The following ZNF804B variants were observed in gnomAD, a reference collection of about 807,000 sequenced individuals.
ZNF804B encodes the protein zinc finger protein 804B.
A neutral mutation model predicts 101.4 loss-of-function variants in ZNF804B; 80 were observed. That is an observed-to-expected ratio of 0.79 (90% CI 0.66 to 0.95). The LOEUF is 0.95. ZNF804B is among the 40% of genes least tolerant of loss of function. The pLI is 0.00. For missense variants in ZNF804B, 1,673 were observed against 1,561.9 expected, an observed-to-expected ratio of 1.07 and a Z score of -1.20; for synonymous variants, 622 against 558.8, an observed-to-expected ratio of 1.11 and a Z score of -1.59.
intron 1 of ZNF804B, among the ~76,000 whole-genome samples, chr7:88,866,873 T>C (rs942052648): frequency 1.3e-5 from 2 of 152,238 alleles, no homozygotes; most frequent in Non-Finnish European, 2.9e-5. Context: ...ACCAAAATGG[T>C]TGGCTTCTGA....
At chr7:88,922,208 G>A (rs1792728987) in intron 1 of ZNF804B, among the ~76,000 whole-genome samples, 1 of 151,944 alleles carries the variant, frequency 6.6e-6, no homozygotes, top group African/African-American at 2.4e-5. Flanking sequence ...CATGAGATGT[G>A]CATTTGTTAC....
intron 1 of ZNF804B, among the ~76,000 whole-genome samples, chr7:88,857,074 A>G (rs899501607): frequency 2.0e-5 from 3 of 152,114 alleles, no homozygotes; most frequent in African/African-American, 7.2e-5. Flanking sequence ...GAGAACAAAG[A>G]CACAACATAC....
chr7:89,156,085 T>C (rs1790969636), intron 1 of ZNF804B, among the ~76,000 whole-genome samples: 1 of 94,926 alleles, frequency 1.1e-5, no homozygotes, highest in Non-Finnish European at 2.5e-5. Flanking sequence ...TCTTTCTCTC[T>C]TTCCTTTCTT....
At chr7:89,305,016 G>A (rs1174193279) in intron 2 of ZNF804B, among the ~76,000 whole-genome samples, 6 of 152,034 alleles carry the variant, frequency 3.9e-5, no homozygotes, top group Non-Finnish European at 8.8e-5. Context: ...GCTGGTTAGA[G>A]CCACTCTCTA....
intron 1 of ZNF804B, among the ~76,000 whole-genome samples, chr7:88,950,870 A>G (rs182992060): frequency 6.6e-6 from 1 of 151,986 alleles, no homozygotes; most frequent in African/African-American, 2.4e-5. Flanking sequence ...CTTTTCAGAT[A>G]TACAGAAAAT....
At chr7:89,181,230 C>T (rs1159303815) in intron 1 of ZNF804B, among the ~76,000 whole-genome samples, 1 of 151,922 alleles carries the variant, frequency 6.6e-6, no homozygotes, top group Non-Finnish European at 1.5e-5. Context: ...AACCCCAAGT[C>T]CACTGACTGC....
intron 2 of ZNF804B, among the ~76,000 whole-genome samples, chr7:89,256,443 A>G (rs1221274020): frequency 6.6e-6 from 1 of 151,770 alleles, no homozygotes; most frequent in East Asian, 1.9e-4. Flanking sequence ...TACATGGGAG[A>G]CTGGGGTAGA....
At chr7:89,187,063 C>T (rs1204777573) in intron 1 of ZNF804B, among the ~76,000 whole-genome samples, 1 of 152,128 alleles carries the variant, frequency 6.6e-6, no homozygotes, top group Non-Finnish European at 1.5e-5. Context: ...TTACTCTCAG[C>T]ATTTTATTTG....
At chr7:89,278,207 T>G (rs1463908272) in intron 2 of ZNF804B, among the ~76,000 whole-genome samples, 1 of 143,296 alleles carries the variant, frequency 7.0e-6, no homozygotes, top group Non-Finnish European at 1.6e-5. Context: ...GTTTGTTTTT[T>G]TCTTGTAAAT....
At chr7:89,160,446 C>G (rs774095961) in intron 1 of ZNF804B, among the ~76,000 whole-genome samples, 22 of 152,112 alleles carry the variant, frequency 1.4e-4, no homozygotes, top group African/African-American at 2.4e-5. Flanking sequence ...TCTAAGTAAC[C>G]TTAACTAAAT....
chr7:89,052,644 G>A (rs1182553637), intron 1 of ZNF804B, among the ~76,000 whole-genome samples: 1 of 152,044 alleles, frequency 6.6e-6, no homozygotes, highest in Non-Finnish European at 1.5e-5. Flanking sequence ...CTGATTTTGT[G>A]TCCCTGGTTA....
In ZNF804B at chr7:88,854,969, G is replaced by T. The variant is rs578012516; in HGVS notation, c.108+94885G>T. Among the ~76,000 whole-genome samples, 16 of 151,980 alleles carry T rather than the reference G, an allele frequency of 1.1e-4. No individual in the cohort carries two copies. The South Asian group carries it at 3.3e-3, about 32-fold the overall frequency. ...TTATGGCTGCATAGTATTCCATGGT[G>T]TATATGTGCCACATTTTCTTAATCC... On this transcript the variant is annotated intron_variant, in intron 1 of 3. Transcript: ENST00000333190.
intron 1 of ZNF804B, among the ~76,000 whole-genome samples, chr7:88,900,393 G>C (rs776094207): frequency 1.6e-4 from 24 of 151,624 alleles, no homozygotes; most frequent in Non-Finnish European, 1.9e-4. Context: ...CTTTAAAAAA[G>C]CATGTAGAAC....
chr7:89,293,119 A>T (rs1210958161), intron 2 of ZNF804B, among the ~76,000 whole-genome samples: 2 of 151,602 alleles, frequency 1.3e-5, no homozygotes, highest in African/African-American at 4.8e-5. Flanking sequence ...GAATGTTTTA[A>T]TTTTTTTTAA....
intron 1 of ZNF804B, among the ~76,000 whole-genome samples, chr7:89,055,524 G>A (rs1303782992): frequency 6.6e-6 from 1 of 151,950 alleles, no homozygotes; most frequent in Non-Finnish European, 1.5e-5. Flanking sequence ...AAATAAATGG[G>A]ATGGAAGGTT....
At chr7:89,110,445 A>G (rs1790200392) in intron 1 of ZNF804B, among the ~76,000 whole-genome samples, 2 of 152,242 alleles carry the variant, frequency 1.3e-5, no homozygotes, top group African/African-American at 4.8e-5. Flanking sequence ...TATCACAGCA[A>G]TGTGGAAAAG....
intron 1 of ZNF804B, among the ~76,000 whole-genome samples, chr7:89,140,260 G>A (rs1157631048): frequency 6.6e-6 from 1 of 151,960 alleles, no homozygotes; most frequent in Non-Finnish European, 1.5e-5. Flanking sequence ...TAGAGCACAA[G>A]CAAAGCAGAT....
intron 1 of ZNF804B, among the ~76,000 whole-genome samples, chr7:89,164,425 T>C (rs991425): frequency 0.014 from 2,137 of 152,192 alleles, 43 homozygotes; most frequent in South Asian, 0.031. Context: ...GGTGGATTGG[T>C]ATTTTGTAAA....
rs560741211 is a variant in ZNF804B at position 88,844,382 on chromosome 7, AC to A, written c.108+84303del. ...CTCTGGTCTCTTTAGCTTCTGCATC[AC>A]CCCCAACCTTCTTTTTTGTGACATT... On this transcript the variant is annotated intron_variant, in intron 1 of 3. Coordinates refer to ENST00000333190, the MANE Select transcript of ZNF804B (RefSeq NM_181646.5). Among the ~76,000 whole-genome samples the A allele has an allele frequency of 1.2e-4, 19 of 152,160 alleles. 1 individual carries two copies. The South Asian group carries it at 3.9e-3, about 32-fold the overall frequency.
Sources: allele counts gnomAD v4.1 joint callset (sites outside exome capture counted in the v4.1 genomes callset), GRCh38; gene constraint gnomAD v4.1.1; transcripts MANE v1.5; gene names NCBI Gene and HGNC (gene_info 2026-07-23, HGNC 2026-07-21).